The following GSTA1 variants were observed in gnomAD, a reference collection of about 807,000 sequenced individuals.
GSTA1 encodes the protein glutathione S-transferase A1.
A neutral mutation model predicts 21.5 loss-of-function variants in GSTA1; 23 were observed. That is an observed-to-expected ratio of 1.07 (90% CI 0.77 to 1.52). The LOEUF is 1.52. Among genes scored for constraint, GSTA1 ranks in the 40% most tolerant of loss-of-function variants. The pLI is 0.00. For synonymous variants in GSTA1, 125 were observed against 90.0 expected (o/e 1.39, Z -2.20); for missense variants, 301 against 264.2 (o/e 1.14, Z -0.96).
intron 3 of GSTA1, among the ~76,000 whole-genome samples, chr6:52,796,523 G>T (rs372985959): frequency 2.2e-5 from 1 of 45,280 alleles, no homozygotes. Context: ...GTGTGTGTGT[G>T]TGTGTGTATA....
intron 3 of GSTA1, among the ~76,000 whole-genome samples, chr6:52,796,726 A>C (rs1468818230): frequency 1.3e-5 from 2 of 150,486 alleles, no homozygotes; most frequent in African/African-American, 2.4e-5. Context: ...TATTTTTACA[A>C]GCAATAGGGT....
At position 52,796,286 on chromosome 6, in the gene GSTA1, T is replaced by C; in HGVS notation, c.168A>G (p.Pro56=). Residue 56 remains proline (P), a synonymous_variant, in exon 4 of 7, where the codon CCA becomes CCG. Coordinates refer to ENST00000334575, the MANE Select transcript of GSTA1 (RefSeq NM_145740.5). ...GCTTCATCCCATCAATCTCAACCAT[T>C]GGCACTTGCTGGAACATCAAATATC... The part of the protein sequence containing the change: ...NDGYLMFQQV[P]MVEIDGMKLV... 1 of 1,613,662 alleles carries C rather than the reference T, an allele frequency of 6.2e-7. No homozygotes were observed. Among genetic ancestry groups the C allele is most frequent in the South Asian group, 1.1e-5 (1 of 91,034 alleles).
chr6:52,801,495 G>T (rs746049796), intron 1 of GSTA1, among the ~76,000 whole-genome samples: 13 of 152,212 alleles, frequency 8.5e-5, no homozygotes, highest in Admixed American at 4.6e-4. Context: ...AGTTCACAGT[G>T]TTGTAATTCC....
chr6:52,798,258 C>T (rs1191154693), intron 2 of GSTA1, among the ~76,000 whole-genome samples: 1 of 150,120 alleles, frequency 6.7e-6, no homozygotes, highest in East Asian at 2.0e-4. Flanking sequence ...TAAGGAAAAC[C>T]TCTGGTTTCT....
intron 2 of GSTA1, among the ~76,000 whole-genome samples, chr6:52,798,528 T>C (rs1398654917): frequency 1.0e-5 from 1 of 99,644 alleles, no homozygotes; most frequent in African/African-American, 3.9e-5. Context: ...CTCTCATTTG[T>C]AGTTTGCATT....
At chr6:52,799,392 A>AG in intron 1 of GSTA1, 95 bp from the exon 2 acceptor site, 1 of 775,224 alleles carries the variant, frequency 1.3e-6, no homozygotes, top group Non-Finnish European at 2.1e-6. Flanking sequence ...ATACTGAAGA[A>AG]GAACCTTCCT....
At chr6:52,801,546 A>G (rs1314489597) in intron 1 of GSTA1, among the ~76,000 whole-genome samples, 1 of 152,234 alleles carries the variant, frequency 6.6e-6, no homozygotes, top group African/African-American at 2.4e-5. Flanking sequence ...ATTGAGGATC[A>G]TGTTTCAAAA....
chr6:52,796,240 G>A lies in GSTA1; in HGVS notation c.214C>T (p.Leu72Phe), dbSNP rs140333826. The A allele has an allele frequency of 1.4e-5, 22 of 1,613,608 alleles. No homozygotes were observed. The highest frequency in any genetic ancestry group is 1.9e-5 in the Non-Finnish European group (22 of 1,179,962). ...TTGTATTTGCTGGCAATGTAGTTGAGAATGGCTCTGGTCTGCACCAGCTTC... is the reference window on the plus strand; with the variant it reads ...TTGTATTTGCTGGCAATGTAGTTGAAAATGGCTCTGGTCTGCACCAGCTTC... ...GMKLVQTRAI[L>F]NYIASKYNLY... The change falls in exon 4 of 7, where the codon CTC becomes TTC. Residue 72 changes from leucine (L) to phenylalanine (F), a missense_variant. By Grantham distance (22) the Leu-to-Phe change is conservative. Transcript: ENST00000334575.
rs1162541964 is a variant in GSTA1 at position 52,796,182 on chromosome 6, A to G, written c.272T>C (p.Leu91Pro). The G allele has an allele frequency of 5.0e-6, 8 of 1,613,286 alleles. No individual in the cohort carries two copies. The South Asian group carries it at 7.7e-5, about 16-fold the overall frequency. Reference sequence around the variant, plus strand: ...TGGAAGAACAGAAAATATACCGTACAGGGCTCTCTCCTTTATGTCTTTCCC... The same window carrying G: ...TGGAAGAACAGAAAATATACCGTACGGGGCTCTCTCCTTTATGTCTTTCCC... The part of the protein sequence containing the change: ...LYGKDIKERA[L>P]IDMYIEGIAD... The change falls in exon 4 of 7, where the codon CTG (leucine) becomes CCG (proline). Residue 91 changes from leucine (L) to proline (P), a missense_variant and splice_region_variant. Leu to Pro is a moderately conservative substitution (Grantham distance 98). Coordinates refer to ENST00000334575, the MANE Select transcript of GSTA1 (RefSeq NM_145740.5).
chr6:52,803,063 A>G lies in GSTA1; in HGVS notation c.-31+722T>C, dbSNP rs540635358. On this transcript the variant is annotated intron_variant, in intron 1 of 6. Transcript: ENST00000334575. ...CTCCAGAGGACATTGAGCAAGGTCT[A>G]GAGACATTTTGGGTTGTCATATCTG... 1.1e-4 allele frequency among the ~76,000 whole-genome samples: 17 copies of G among 152,272 alleles called. No individual in the cohort carries two copies. In the South Asian group the frequency reaches 3.5e-3, roughly 32 times the overall value.
intron 2 of GSTA1, among the ~76,000 whole-genome samples, chr6:52,798,414 A>C (rs1199126751): frequency 1.6e-5 from 2 of 121,926 alleles, no homozygotes; most frequent in African/African-American, 3.2e-5. Flanking sequence ...CACTATCTCC[A>C]TGACCGAGTA....
chr6:52,797,775 T>C (rs1461784256), intron 2 of GSTA1, 138 bp from the exon 3 acceptor site: 29 of 688,164 alleles, frequency 4.2e-5, no homozygotes, highest in Non-Finnish European at 6.6e-5. Flanking sequence ...GGGCTGGTCA[T>C]GGCCATTTGG....
At chr6:52,795,784 G>T (rs183549472) in intron 4 of GSTA1, among the ~76,000 whole-genome samples, 1 of 152,072 alleles carries the variant, frequency 6.6e-6, no homozygotes, top group East Asian at 1.9e-4. Context: ...TAGCTTTGGC[G>T]TCTTTGCAAC....
chr6:52,796,946 A>G (rs759903802), intron 3 of GSTA1, among the ~76,000 whole-genome samples: 4 of 152,126 alleles, frequency 2.6e-5, no homozygotes, highest in Non-Finnish European at 2.9e-5. Context: ...CCCTCCAGAT[A>G]CATAGTGGGA....
Position 52,791,864 on chromosome 6 carries a change from C to T in GSTA1, c.663G>A (p.Arg221=), listed in dbSNP as rs1763465801. 1.9e-6 allele frequency: 3 copies of T among 1,613,992 alleles called. No homozygotes were observed. Among genetic ancestry groups the T allele is most frequent in the South Asian group, 1.1e-5 (1 of 91,072 alleles). Residue 221 remains arginine, a synonymous_variant, in exon 7 of 7, where the codon AGG becomes AGA. Coordinates refer to ENST00000334575, the MANE Select transcript of GSTA1 (RefSeq NM_145740.5). Reference sequence around the variant, plus strand: ...GGCCTCCATGACTGCGTTATTAAAACCTGAAAATCTTCCTTGCTTCTTCTA... The same window carrying T: ...GGCCTCCATGACTGCGTTATTAAAATCTGAAAATCTTCCTTGCTTCTTCTA... ...KSLEEARKIF[R]F is the part of the protein sequence containing the mutation.
rs190536703 is a variant in GSTA1, at chr6:52,800,844, C to T, written c.-30-1547G>A. Among the ~76,000 whole-genome samples, 180 of 152,250 alleles carry T rather than the reference C, an allele frequency of 1.2e-3. 1 individual carries two copies. Among genetic ancestry groups the T allele is most frequent in the African/African-American group, 4.2e-3 (173 of 41,552 alleles). On this transcript the variant is annotated intron_variant, in intron 1 of 6. Coordinates refer to ENST00000334575, the MANE Select transcript of GSTA1 (RefSeq NM_145740.5). Reference sequence around the variant, plus strand: ...AGTTTTGTGGTTGTTGAGTGTGGAACAAAAATATACTTGCCTTTAACAACT... The same window carrying T: ...AGTTTTGTGGTTGTTGAGTGTGGAATAAAAATATACTTGCCTTTAACAACT...
chr6:52,800,758 C>G (rs138991770), intron 1 of GSTA1, among the ~76,000 whole-genome samples: 1 of 152,182 alleles, frequency 6.6e-6, no homozygotes, highest in Admixed American at 6.5e-5. Context: ...GACTTAGGAA[C>G]AGTTGCGTTT....
chr6:52,800,717 G>A (rs1288754721), intron 1 of GSTA1, among the ~76,000 whole-genome samples: 2 of 152,156 alleles, frequency 1.3e-5, no homozygotes, highest in Non-Finnish European at 1.5e-5. Flanking sequence ...AAGGGCACAG[G>A]ACTCATTGAA....
At chr6:52,792,754 C>T (rs4715326) in intron 6 of GSTA1, 102 bp downstream of exon 6, 964,726 of 1,609,306 alleles carry the variant, frequency 0.6, 293,306 homozygotes, top group East Asian at 0.87. Flanking sequence ...CACTGAAGGC[C>T]TGGAGAAGAC....
Sources: gnomAD v4.1 joint callset for allele counts (sites outside exome capture counted in the v4.1 genomes callset) on GRCh38, gnomAD v4.1.1 for gene constraint, MANE v1.5 for transcripts, NCBI Gene and HGNC (gene_info 2026-07-23, HGNC 2026-07-21) for gene names.